The following CNTN4 variants were observed in gnomAD, a reference collection of about 807,000 sequenced individuals.
The protein encoded by CNTN4 is contactin-4.
Under a neutral mutation model 122.5 loss-of-function variants are expected in CNTN4, and 77 were observed. The observed-to-expected ratio is 0.63, with a 90% CI of 0.52 to 0.76. The LOEUF is 0.76. Among genes scored for constraint, CNTN4 ranks in the 30% least tolerant of loss-of-function variants. CNTN4 has a pLI of 0.00. For missense variants in CNTN4, 1,256 were observed against 1,259.1 expected, an observed-to-expected ratio of 1.00 and a Z score of 0.04; for synonymous variants, 512 against 447.0, an observed-to-expected ratio of 1.15 and a Z score of -1.83.
At chr3:2,234,679 A>G (rs1440851451) in intron 2 of CNTN4, among the ~76,000 whole-genome samples, 2 of 151,292 alleles carry the variant, frequency 1.3e-5, no homozygotes, top group South Asian at 2.1e-4. Context: ...CCTTTGTCAT[A>G]AAGAAATTTT....
rs34297312 is a variant in CNTN4, at chr3:3,035,927, T to TA, written c.1942+1151dup. Among the ~76,000 whole-genome samples, 1,162 of 142,818 alleles carry TA rather than the reference T, an allele frequency of 8.1e-3. 8 individuals are homozygous for TA. Among genetic ancestry groups the TA allele is most frequent in the South Asian group, 0.031 (137 of 4,456 alleles). 93.7% of individuals were successfully genotyped at this position (142,818 alleles called of 152,430 possible). ...CTTTTTAACCAATTTTACAAATTCT[T>TA]AAAAAAAAAAAAAACATTGTTAGCA... On this transcript the variant is annotated intron_variant, in intron 17 of 24. Transcript: ENST00000418658.
chr3:2,162,193 G>T (rs1379301472), intron 2 of CNTN4, among the ~76,000 whole-genome samples: 3 of 152,080 alleles, frequency 2.0e-5, no homozygotes, highest in Non-Finnish European at 4.4e-5. Flanking sequence ...GATTTCAACT[G>T]TGTTTGTACT....
intron 3 of CNTN4, among the ~76,000 whole-genome samples, chr3:2,401,898 T>G (rs1046745390): frequency 6.6e-6 from 1 of 152,176 alleles, no homozygotes. Context: ...CAATTTTGTT[T>G]GCCAGCAAAG....
At chr3:2,148,426 T>C (rs1255793337) in intron 2 of CNTN4, among the ~76,000 whole-genome samples, 1 of 151,570 alleles carries the variant, frequency 6.6e-6, no homozygotes, top group Non-Finnish European at 1.5e-5. Flanking sequence ...TCCCAGCTAC[T>C]CAGATGGCCG....
At chr3:2,498,192 A>G (rs2076502953) in intron 3 of CNTN4, among the ~76,000 whole-genome samples, 1 of 152,202 alleles carries the variant, frequency 6.6e-6, no homozygotes, top group Non-Finnish European at 1.5e-5. Context: ...TGGAGTATGA[A>G]TATATATGGA....
chr3:2,391,041 A>G (rs1481252467), intron 3 of CNTN4, among the ~76,000 whole-genome samples: 1 of 152,206 alleles, frequency 6.6e-6, no homozygotes, highest in East Asian at 1.9e-4. Context: ...CAGATTCCAA[A>G]TAGCTGGACT....
At chr3:2,847,751 C>A (rs983768252) in intron 7 of CNTN4, among the ~76,000 whole-genome samples, 1 of 152,182 alleles carries the variant, frequency 6.6e-6, no homozygotes, top group Non-Finnish European at 1.5e-5. Flanking sequence ...TCATCCCACC[C>A]TTTGCTCCTC....
At chr3:2,945,614 G>A (rs1053783541) in intron 13 of CNTN4, among the ~76,000 whole-genome samples, 1 of 152,150 alleles carries the variant, frequency 6.6e-6, no homozygotes, top group Non-Finnish European at 1.5e-5. Context: ...AAGAAGGGAG[G>A]GAGGAGACAG....
intron 4 of CNTN4, among the ~76,000 whole-genome samples, chr3:2,659,160 A>G (rs1479730169): frequency 6.6e-6 from 1 of 152,090 alleles, no homozygotes; most frequent in Admixed American, 6.6e-5. Flanking sequence ...ATTCAGTAAG[A>G]ACCTTCTTAA....
intron 2 of CNTN4, among the ~76,000 whole-genome samples, chr3:2,202,824 C>A (rs989649484): frequency 1.3e-5 from 2 of 151,346 alleles, no homozygotes; most frequent in Non-Finnish European, 3.0e-5. Context: ...GTAACAATTA[C>A]ATTTTTTTTT....
At chr3:2,576,095 A>G (rs527808727) in intron 4 of CNTN4, among the ~76,000 whole-genome samples, 2 of 152,216 alleles carry the variant, frequency 1.3e-5, no homozygotes, top group East Asian at 3.9e-4. Flanking sequence ...TCGGCCTCCC[A>G]GAGTGCTGGA....
chr3:2,840,175 C>T (rs1055455653), intron 7 of CNTN4, among the ~76,000 whole-genome samples: 4 of 152,216 alleles, frequency 2.6e-5, no homozygotes, highest in Admixed American at 1.3e-4. Flanking sequence ...AATCCGGGGT[C>T]ATTCTTATAA....
intron 2 of CNTN4, among the ~76,000 whole-genome samples, chr3:2,249,329 C>G (rs1287391817): frequency 3.3e-5 from 5 of 151,852 alleles, no homozygotes; most frequent in African/African-American, 9.7e-5. Flanking sequence ...CCAAAGGACA[C>G]TGTACATACA....
chr3:2,284,299 A>T (rs1161790471), intron 2 of CNTN4, among the ~76,000 whole-genome samples: 5 of 152,170 alleles, frequency 3.3e-5, no homozygotes, highest in Admixed American at 2.0e-4. Context: ...TGCTGCAAGG[A>T]TGCAAAACCA....
chr3:2,647,253 C>T (rs1480370684), intron 4 of CNTN4, among the ~76,000 whole-genome samples: 7 of 152,028 alleles, frequency 4.6e-5, no homozygotes, highest in East Asian at 1.9e-4. Context: ...TGGTTGTGGA[C>T]GCCTGTAATC....
chr3:2,187,654 C>T (rs926499965), intron 2 of CNTN4, among the ~76,000 whole-genome samples: 3 of 152,132 alleles, frequency 2.0e-5, no homozygotes, highest in Non-Finnish European at 4.4e-5. Flanking sequence ...GACACAATAT[C>T]GACTACATGC....
intron 2 of CNTN4, among the ~76,000 whole-genome samples, chr3:2,169,395 T>G (rs1245476725): frequency 1.3e-5 from 2 of 152,108 alleles, no homozygotes; most frequent in Non-Finnish European, 2.9e-5. Flanking sequence ...TTTAGAACAT[T>G]AGGAATGATA....
chr3:2,642,916 A>G (rs1036334759), intron 4 of CNTN4, among the ~76,000 whole-genome samples: 4 of 152,144 alleles, frequency 2.6e-5, no homozygotes, highest in African/African-American at 9.7e-5. Context: ...GTGTGATTTG[A>G]TGCAAGTGAT....
At chr3:2,200,128 G>A (rs2038030309) in intron 2 of CNTN4, among the ~76,000 whole-genome samples, 2 of 152,106 alleles carry the variant, frequency 1.3e-5, no homozygotes, top group African/African-American at 2.4e-5. Context: ...TAAAGAGATG[G>A]TAGGGATCCT....
Sources: allele counts gnomAD v4.1 joint callset (sites outside exome capture counted in the v4.1 genomes callset), GRCh38; gene constraint gnomAD v4.1.1; transcripts MANE v1.5; gene names NCBI Gene and HGNC (gene_info 2026-07-23, HGNC 2026-07-21).